TBC1D15: variants seen among roughly 807,000 people sequenced by gnomAD.
The protein encoded by TBC1D15 is GAP for RAB7.
A neutral mutation model predicts 95.4 loss-of-function variants in TBC1D15; 39 were observed. The ratio of observed to expected loss-of-function variants is 0.41; its 90% CI spans 0.32 to 0.53. The LOEUF (loss-of-function observed/expected upper bound fraction) is 0.53, where lower values mean the gene tolerates loss of function less well. Among genes scored for constraint, TBC1D15 ranks in the 20% least tolerant of loss-of-function variants. TBC1D15 has a pLI of 0.29. For synonymous variants in TBC1D15, 258 were observed against 261.3 expected (o/e 0.99, Z 0.12); for missense variants, 733 against 794.3 (o/e 0.92, Z 0.93).
intron 1 of TBC1D15, among the ~76,000 whole-genome samples, chr12:71,845,093 A>G (rs1270948696): frequency 1.3e-5 from 2 of 152,246 alleles, no homozygotes; most frequent in African/African-American, 4.8e-5. Context: ...GATGGAACAG[A>G]ATACACCTGA....
chr12:71,847,383 GTTT>G (rs138208282), intron 1 of TBC1D15, among the ~76,000 whole-genome samples: 5 of 149,422 alleles, frequency 3.3e-5, no homozygotes, highest in African/African-American at 1.2e-4. Context: ...TGTATCATTA[GTTT>G]TTTTTTTATT....
In TBC1D15 at chr12:71,880,602, A is replaced by G. The variant is rs1894934316; in HGVS notation, c.338A>G (p.Asn113Ser). 1.2e-6 allele frequency: 2 copies of G among 1,603,216 alleles called. No individual in the cohort carries two copies. The highest frequency in any genetic ancestry group is 2.2e-5 in the East Asian group (1 of 44,768). Residue 113 changes from asparagine (N) to serine (S), a missense_variant, in exon 4 of 17, where the codon AAT becomes AGT. Physicochemically the swap from Asn to Ser is conservative, Grantham distance 46. Transcript: ENST00000485960. ...TVSFKRKPHT[N>S]GDAPSHRNGK... ...TCATTTAAAAGGAAACCACATACCA[A>G]TGGAGGTATGAATTAAATCTTTTGA...
chr12:71,918,426 A>G (rs1339128780), intron 13 of TBC1D15, 25 bp from the exon 14 acceptor site: 2 of 1,417,780 alleles, frequency 1.4e-6, no homozygotes, highest in Non-Finnish European at 2.0e-6. Flanking sequence ...AGTAAGTCAT[A>G]TGTGTGTTTT....
intron 1 of TBC1D15, among the ~76,000 whole-genome samples, chr12:71,852,382 G>A (rs1278668709): frequency 6.6e-6 from 1 of 152,210 alleles, no homozygotes; most frequent in East Asian, 1.9e-4. Context: ...TGCCTTCAAG[G>A]CCTTTTCCCC....
chr12:71,885,604 C>G (rs1470533354), intron 5 of TBC1D15, among the ~76,000 whole-genome samples: 1 of 152,048 alleles, frequency 6.6e-6, no homozygotes, highest in Non-Finnish European at 1.5e-5. Context: ...CAGGGGTGTT[C>G]CTAGGAATTA....
At chr12:71,851,801 G>A (rs1053345287) in intron 1 of TBC1D15, among the ~76,000 whole-genome samples, 14 of 126,548 alleles carry the variant, frequency 1.1e-4, no homozygotes, top group Middle Eastern at 3.9e-3. Context: ...GCCCTGTGGC[G>A]TTGCAGGGCT....
intron 3 of TBC1D15, among the ~76,000 whole-genome samples, chr12:71,876,223 C>T (rs1034125779): frequency 9.2e-5 from 14 of 152,118 alleles, no homozygotes; most frequent in Non-Finnish European, 1.8e-4. Context: ...TTCCATCTCC[C>T]AAGGCAATTA....
At chr12:71,893,888 A>T (rs946220867) in intron 6 of TBC1D15, among the ~76,000 whole-genome samples, 1 of 151,940 alleles carries the variant, frequency 6.6e-6, no homozygotes, top group Non-Finnish European at 1.5e-5. Context: ...TTTAACAAAT[A>T]TGTGAGTGCT....
chr12:71,858,059 A>C (rs1889504084), intron 1 of TBC1D15, among the ~76,000 whole-genome samples: 1 of 151,910 alleles, frequency 6.6e-6, no homozygotes, highest in Non-Finnish European at 1.5e-5. Context: ...TTGTGCATAT[A>C]TGCAACATTT....
At chr12:71,862,004 G>A (rs1890488711) in intron 1 of TBC1D15, among the ~76,000 whole-genome samples, 1 of 151,922 alleles carries the variant, frequency 6.6e-6, no homozygotes, top group Non-Finnish European at 1.5e-5. Flanking sequence ...TCTTGTTTCT[G>A]ATTTCTAGTT....
Position 71,875,045 on chromosome 12 carries a change from C to G in TBC1D15, c.204+2042C>G, listed in dbSNP as rs968534467. Among the ~76,000 whole-genome samples, 52 of 152,090 alleles carry G rather than the reference C, an allele frequency of 3.4e-4. 1 individual carries two copies. The highest frequency in any genetic ancestry group is 1.0e-3 in the African/African-American group (43 of 41,480). On this transcript the variant is annotated intron_variant, in intron 3 of 16. Transcript: ENST00000485960. ...ACCTCCGCCTCCTGGCCCAAGCGAT[C>G]CATCCACCTCAGCCTCCCAAATAGC...
chr12:71,892,261 A>C (rs1897315414), intron 5 of TBC1D15, among the ~76,000 whole-genome samples: 1 of 152,092 alleles, frequency 6.6e-6, no homozygotes, highest in Admixed American at 6.6e-5. Flanking sequence ...ACTGTGTAAG[A>C]ATATAAGATC....
At chr12:71,894,445 A>G (rs967120462) in intron 6 of TBC1D15, 2 of 1,461,356 alleles carry the variant, frequency 1.4e-6, no homozygotes, top group Non-Finnish European at 1.9e-6. Context: ...TTTATCTGCA[A>G]TTCAATCAGT....
chr12:71,863,811 T>C (rs1890894267), intron 1 of TBC1D15, among the ~76,000 whole-genome samples: 1 of 152,138 alleles, frequency 6.6e-6, no homozygotes, highest in Admixed American at 6.5e-5. Context: ...GTTGAAGCTC[T>C]CTTTTATTTT....
intron 5 of TBC1D15, among the ~76,000 whole-genome samples, chr12:71,887,240 A>G (rs1288259817): frequency 6.6e-6 from 1 of 152,108 alleles, no homozygotes; most frequent in African/African-American, 2.4e-5. Flanking sequence ...ATCAACTACT[A>G]TTTTTACTTG....
At chr12:71,861,390 A>T (rs1231020807) in intron 1 of TBC1D15, 1 of 1,403,372 alleles carries the variant, frequency 7.1e-7, no homozygotes, top group East Asian at 2.7e-5. Context: ...ACTGTACTGT[A>T]ATTGTTTTTT....
chr12:71,905,160 G>GA (rs1566052125), intron 10 of TBC1D15, among the ~76,000 whole-genome samples: 1 of 152,184 alleles, frequency 6.6e-6, no homozygotes, highest in East Asian at 1.9e-4. Context: ...TTTACAAGAA[G>GA]AAATACTGAT....
At chr12:71,898,125 C>G (rs947894171) in intron 10 of TBC1D15, among the ~76,000 whole-genome samples, 184 bp downstream of exon 10, 1 of 151,972 alleles carries the variant, frequency 6.6e-6, no homozygotes, top group Non-Finnish European at 1.5e-5. Context: ...CATATTAATT[C>G]AGTAAGTTTA....
At chr12:71,875,634 G>A (rs561110401) in intron 3 of TBC1D15, among the ~76,000 whole-genome samples, 1 of 151,444 alleles carries the variant, frequency 6.6e-6, no homozygotes, top group African/African-American at 2.4e-5. Context: ...AATTTCTCAT[G>A]TATGGTCCAT....
Sources: gnomAD v4.1 joint callset for allele counts (sites outside exome capture counted in the v4.1 genomes callset) on GRCh38, gnomAD v4.1.1 for gene constraint, MANE v1.5 for transcripts, NCBI Gene and HGNC (gene_info 2026-07-23, HGNC 2026-07-21) for gene names.